PAK1: variants seen among roughly 807,000 people sequenced by gnomAD.
PAK1 encodes p21 (RAC1) activated kinase 1.
Under a neutral mutation model 67.4 loss-of-function variants are expected in PAK1, and 29 were observed. The ratio of observed to expected loss-of-function variants is 0.43; its 90% CI spans 0.32 to 0.59. PAK1 has a LOEUF of 0.59. PAK1 is among the 20% of genes least tolerant of loss of function. PAK1 has a pLI of 0.07. For synonymous variants in PAK1, 223 were observed against 237.4 expected (o/e 0.94, Z 0.56); for missense variants, 337 against 670.7 (o/e 0.50, Z 5.50).
chr11:77,469,314 A>G (rs770676365), intron 1 of PAK1, among the ~76,000 whole-genome samples: 3 of 152,194 alleles, frequency 2.0e-5, no homozygotes, highest in East Asian at 1.9e-4. Context: ...CAATCATCTC[A>G]TAAGGTTATT....
intron 1 of PAK1, among the ~76,000 whole-genome samples, chr11:77,425,879 G>T (rs1955517342): frequency 6.6e-6 from 1 of 152,058 alleles, no homozygotes; most frequent in Admixed American, 6.6e-5. Context: ...TAAGGCAGGG[G>T]GATCGCTTGA....
At chr11:77,435,118 C>CAAAAAAAAAA (rs11452381) in intron 1 of PAK1, among the ~76,000 whole-genome samples, 8 of 128,656 alleles carry the variant, frequency 6.2e-5, no homozygotes, top group South Asian at 2.5e-4. Flanking sequence ...TGTGAATATA[C>CAAAAAAAAAA]AAAAAAAAAA....
chr11:77,389,459 C>T (rs1291393159), intron 2 of PAK1, among the ~76,000 whole-genome samples: 2 of 152,196 alleles, frequency 1.3e-5, no homozygotes, highest in African/African-American at 4.8e-5. Flanking sequence ...ACAGAGGCTG[C>T]ACCATTTTAC....
chr11:77,482,984 G>T, the PAK1 span, among the ~76,000 whole-genome samples: 2 of 152,068 alleles, frequency 1.3e-5, no homozygotes, highest in African/African-American at 4.8e-5. Flanking sequence ...ATCACCTGAG[G>T]TCAGGAGTTC....
At chr11:77,387,263 G>A (rs1950570633) in intron 2 of PAK1, among the ~76,000 whole-genome samples, 1 of 151,732 alleles carries the variant, frequency 6.6e-6, no homozygotes, top group East Asian at 1.9e-4. Context: ...AGTAGAGACA[G>A]GGTTTTGCCA....
intron 1 of PAK1, among the ~76,000 whole-genome samples, chr11:77,465,193 AC>A (rs1478007778): frequency 6.6e-6 from 1 of 152,198 alleles, no homozygotes; most frequent in African/African-American, 2.4e-5. Context: ...TCTCCTAGGA[AC>A]CTACAATTTT....
At chr11:77,460,601 T>C (rs939553300) in intron 1 of PAK1, among the ~76,000 whole-genome samples, 14 of 151,942 alleles carry the variant, frequency 9.2e-5, no homozygotes, top group African/African-American at 3.4e-4. Context: ...TTAAGTAGAA[T>C]GTTTGAATGA....
intron 1 of PAK1, among the ~76,000 whole-genome samples, chr11:77,407,938 G>C (rs1953868935): frequency 6.6e-6 from 1 of 152,166 alleles, no homozygotes; most frequent in Non-Finnish European, 1.5e-5. Context: ...AGTACCTAGA[G>C]TCTAGCCCCA....
At chr11:77,330,516 C>G (rs1364333801) in intron 14 of PAK1, among the ~76,000 whole-genome samples, 5 of 152,214 alleles carry the variant, frequency 3.3e-5, no homozygotes, top group South Asian at 2.1e-4. Context: ...ACAAACGTGA[C>G]AAAAACAAGC....
rs149665907 is a variant in PAK1, at chr11:77,358,944, G to GCATCAT, written c.545_550dup (p.Asp182_Asp183dup). 31 of 1,612,866 alleles carry GCATCAT rather than the reference G, an allele frequency of 1.9e-5. 1 individual carries two copies. The Middle Eastern group carries it at 4.9e-4, about 26-fold the overall frequency. Reference sequence around the variant, plus strand: ...TGGAGCAATCACTGGTGGTGGGGTAGCATCATCATCATCATCATCCTCATC... The same window carrying GCATCAT: ...TGGAGCAATCACTGGTGGTGGGGTAGCATCATCATCATCATCATCATCATCCTCATC... On this transcript the variant is annotated inframe_insertion, in exon 6 of 15. Coordinates refer to ENST00000356341, the MANE Select transcript of PAK1 (RefSeq NM_002576.5).
intron 13 of PAK1, among the ~76,000 whole-genome samples, 158 bp from the exon 14 acceptor site, chr11:77,333,025 T>C (rs1164454478): frequency 6.6e-6 from 1 of 152,102 alleles, no homozygotes; most frequent in Admixed American, 6.5e-5. Context: ...AAGGATCAGG[T>C]TGAACATTTA....
intron 4 of PAK1, among the ~76,000 whole-genome samples, chr11:77,377,853 T>A (rs1053811807): frequency 6.6e-6 from 1 of 152,172 alleles, no homozygotes. Context: ...TCCCACTCAG[T>A]AGCCCTCCAG....
At chr11:77,407,028 C>T (rs1158580287) in intron 1 of PAK1, among the ~76,000 whole-genome samples, 3 of 152,012 alleles carry the variant, frequency 2.0e-5, no homozygotes, top group Non-Finnish European at 4.4e-5. Context: ...TACGTGCCTA[C>T]TATATAATTA....
At chr11:77,412,911 G>A (rs1346048150) in intron 1 of PAK1, among the ~76,000 whole-genome samples, 1 of 152,186 alleles carries the variant, frequency 6.6e-6, no homozygotes, top group Non-Finnish European at 1.5e-5. Context: ...GCATTGTGAT[G>A]GAACCTGAGC....
At chr11:77,489,753 C>T in the PAK1 span, among the ~76,000 whole-genome samples, 10 of 151,650 alleles carry the variant, frequency 6.6e-5, no homozygotes, top group African/African-American at 2.4e-4. Context: ...ACTCAGTGCT[C>T]AATGGTGCCC....
chr11:77,474,208 TC>T (rs1289076331), upstream of PAK1: 6 of 138,304 alleles, frequency 4.3e-5, 1 homozygote, highest in Admixed American at 1.4e-4. Context: ...CCACTCCCCC[TC>T]CCCGGCGCGG....
chr11:77,507,031 C>T, the PAK1 span, among the ~76,000 whole-genome samples: 8 of 152,112 alleles, frequency 5.3e-5, no homozygotes, highest in Non-Finnish European at 1.0e-4. Flanking sequence ...AAGAAGATAA[C>T]CCCATAAATA....
chr11:77,328,588 G>A lies in PAK1; in HGVS notation c.1551+4142C>T, dbSNP rs140120522. Among the ~76,000 whole-genome samples, 681 of 152,166 alleles carry A rather than the reference G, an allele frequency of 4.5e-3. 6 individuals are homozygous for A. The highest frequency in any genetic ancestry group is 0.016 in the African/African-American group (648 of 41,496). Reference sequence around the variant, plus strand: ...AATAAAGATGTTCTTTGAAACCAACGAGAACAAAGACAACATACCAGAATC... The same window carrying A: ...AATAAAGATGTTCTTTGAAACCAACAAGAACAAAGACAACATACCAGAATC... On this transcript the variant is annotated intron_variant, in intron 14 of 14. Transcript: ENST00000356341.
intron 9 of PAK1, among the ~76,000 whole-genome samples, chr11:77,347,394 T>A (rs1944592054): frequency 6.6e-6 from 1 of 152,152 alleles, no homozygotes; most frequent in South Asian, 2.1e-4. Flanking sequence ...CCCTGGTAAT[T>A]GCTGACAGTA....
Sources: allele counts gnomAD v4.1 joint callset (sites outside exome capture counted in the v4.1 genomes callset), GRCh38; gene constraint gnomAD v4.1.1; transcripts MANE v1.5; gene names NCBI Gene and HGNC (gene_info 2026-07-23, HGNC 2026-07-21).